The following IL1RAPL1 variants were observed in gnomAD, a reference collection of about 807,000 sequenced individuals.
IL1RAPL1 encodes interleukin 1 receptor accessory protein like 1.
In IL1RAPL1, 3 loss-of-function variants were observed where a neutral mutation model predicts 48.4. The observed-to-expected ratio is 0.06, with a 90% CI of 0.03 to 0.16. IL1RAPL1 has a LOEUF of 0.16. Among genes scored for constraint, IL1RAPL1 ranks in the 10% least tolerant of loss-of-function variants. The pLI, the probability that IL1RAPL1 is intolerant of heterozygous loss-of-function variation, is 1.00. For missense variants in IL1RAPL1, 349 were observed against 530.6 expected (o/e 0.66, Z 3.36); for synonymous variants, 185 against 187.7 (o/e 0.99, Z 0.12).
chrX:28,797,261 G>A (rs779474964), intron 2 of IL1RAPL1, among the ~76,000 whole-genome samples: 8 of 111,782 alleles, frequency 7.2e-5, no homozygotes, highest in Non-Finnish European at 1.1e-4. Context: ...CCACTGTCTC[G>A]GGGATTAACA....
chrX:29,754,989 C>T (rs772684415), intron 6 of IL1RAPL1, among the ~76,000 whole-genome samples: 113 of 112,246 alleles, frequency 1.0e-3, no homozygotes, highest in African/African-American at 3.4e-3. Flanking sequence ...AGGGCTCAAC[C>T]GGGGAAGGAT....
At chrX:28,683,035 T>C (rs1040223830) in intron 1 of IL1RAPL1, among the ~76,000 whole-genome samples, 2 of 112,166 alleles carry the variant, frequency 1.8e-5, no homozygotes, top group Non-Finnish European at 3.8e-5. Context: ...ATCTTGAAGC[T>C]GAGGATGGGC....
chrX:29,867,711 G>A (rs898590182), intron 6 of IL1RAPL1, among the ~76,000 whole-genome samples: 5 of 112,227 alleles, frequency 4.5e-5, no homozygotes, highest in Admixed American at 1.9e-4. Context: ...GCAATTCCTA[G>A]AATTCGAAGC....
intron 1 of IL1RAPL1, among the ~76,000 whole-genome samples, chrX:28,694,695 A>G (rs940872802): frequency 7.1e-5 from 8 of 112,245 alleles, no homozygotes; most frequent in Admixed American, 6.6e-4. Flanking sequence ...ATATTATAAG[A>G]GTTTTGAATT....
chrX:29,856,722 T>C (rs1309479761), intron 6 of IL1RAPL1, among the ~76,000 whole-genome samples: 1 of 112,016 alleles, frequency 8.9e-6, no homozygotes, highest in African/African-American at 3.2e-5. Flanking sequence ...CCTAAAGGGT[T>C]ATAAATTGTA....
chrX:29,252,216 GTAAC>G (rs1372353230), intron 2 of IL1RAPL1, among the ~76,000 whole-genome samples: 6 of 111,298 alleles, frequency 5.4e-5, no homozygotes, highest in African/African-American at 2.0e-4. Context: ...GTATACATAT[GTAAC>G]TAACCTGCAC....
At chrX:29,253,496 C>A (rs149403843) in intron 2 of IL1RAPL1, among the ~76,000 whole-genome samples, 151 of 111,006 alleles carry the variant, frequency 1.4e-3, no homozygotes, top group African/African-American at 4.9e-3. Flanking sequence ...TGATAATGGT[C>A]GTAACTAACA....
chrX:28,988,994 T>C (rs1367463234), intron 2 of IL1RAPL1, among the ~76,000 whole-genome samples: 1 of 112,034 alleles, frequency 8.9e-6, no homozygotes, highest in Admixed American at 9.5e-5. Context: ...ACTCTAGAAG[T>C]ATTTTTGTTA....
chrX:29,104,135 G>A (rs1928400605), intron 2 of IL1RAPL1, among the ~76,000 whole-genome samples: 1 of 111,991 alleles, frequency 8.9e-6, no homozygotes, highest in African/African-American at 3.2e-5. Context: ...ATACCCAAAA[G>A]AAAGGAAATC....
intron 2 of IL1RAPL1, among the ~76,000 whole-genome samples, chrX:29,147,748 A>G (rs1929379126): frequency 8.9e-6 from 1 of 112,145 alleles, no homozygotes; most frequent in African/African-American, 3.2e-5. Context: ...TATTTTTTCA[A>G]AGAAGCCAAT....
At position 29,301,655 on chromosome X, in the gene IL1RAPL1, C is replaced by T. The variant is rs551215139; in HGVS notation, c.362+18438C>T. On this transcript the variant is annotated intron_variant, in intron 3 of 10. Transcript: ENST00000378993. Reference sequence around the variant, plus strand: ...GATTTATCGAACATCTACTACACATCAGGCCTGGATTTTTTTCTGCACACA... The same window carrying T: ...GATTTATCGAACATCTACTACACATTAGGCCTGGATTTTTTTCTGCACACA... Among the ~76,000 whole-genome samples, 5 of 111,843 alleles carry T rather than the reference C, an allele frequency of 4.5e-5. No individual in the cohort carries two copies. In the South Asian group the frequency reaches 1.1e-3, roughly 25 times the overall value.
chrX:29,441,610 C>T lies in IL1RAPL1; in HGVS notation c.703+42302C>T, dbSNP rs1164094154. 2.7e-5 allele frequency among the ~76,000 whole-genome samples: 3 copies of T among 111,941 alleles called. No individual in the cohort carries two copies. In the East Asian group the frequency reaches 8.4e-4, roughly 31 times the overall value. On this transcript the variant is annotated intron_variant, in intron 5 of 10. Transcript: ENST00000378993. ...TTTCCTATACTGCACACTTCTTTTC[C>T]TGTTGCGGTGGATATTTTCTCAAAA...
At position 29,644,607 on chromosome X, in the gene IL1RAPL1, A is replaced by G. The variant is rs190686935; in HGVS notation, c.704-23823A>G. On this transcript the variant is annotated intron_variant, in intron 5 of 10. Coordinates refer to ENST00000378993, the MANE Select transcript of IL1RAPL1 (RefSeq NM_014271.4). ...TTTGAGACACGTGCTCACTCTGTCA[A>G]CCAGGCTGGAGTGCCGTGGCATGAT... 2.7e-3 allele frequency among the ~76,000 whole-genome samples: 302 copies of G among 110,312 alleles called. 1 individual carries two copies. Among genetic ancestry groups the G allele is most frequent in the Non-Finnish European group, 4.4e-3 (234 of 52,676 alleles).
chrX:28,990,750 T>C (rs1925584262), intron 2 of IL1RAPL1, among the ~76,000 whole-genome samples: 1 of 111,827 alleles, frequency 8.9e-6, no homozygotes, highest in African/African-American at 3.3e-5. Context: ...AATGCCAGAT[T>C]TGAGCATCCT....
intron 6 of IL1RAPL1, among the ~76,000 whole-genome samples, chrX:29,726,695 G>A (rs1243219194): frequency 8.9e-6 from 1 of 111,946 alleles, no homozygotes; most frequent in Non-Finnish European, 1.9e-5. Context: ...CATTGAGAGG[G>A]GAGGCAGTGG....
chrX:29,267,507 G>T (rs1014062602), intron 2 of IL1RAPL1, among the ~76,000 whole-genome samples: 1 of 111,595 alleles, frequency 9.0e-6, no homozygotes, highest in Non-Finnish European at 1.9e-5. Context: ...AGCACAGCCA[G>T]ACTTGGCATT....
At chrX:29,796,945 C>T (rs1021785712) in intron 6 of IL1RAPL1, among the ~76,000 whole-genome samples, 21 of 112,423 alleles carry the variant, frequency 1.9e-4, no homozygotes, top group African/African-American at 6.5e-4. Flanking sequence ...AAAACTCTGG[C>T]CTCTGAGAGT....
intron 6 of IL1RAPL1, among the ~76,000 whole-genome samples, chrX:29,751,111 C>CAT (rs35646660): frequency 0.33 from 36,248 of 108,884 alleles, 4,616 homozygotes; most frequent in Admixed American, 0.45. Flanking sequence ...CACATATATA[C>CAT]ATATATATAT....
chrX:28,937,923 A>G (rs1316275975), intron 2 of IL1RAPL1, among the ~76,000 whole-genome samples: 1 of 111,323 alleles, frequency 9.0e-6, no homozygotes, highest in Middle Eastern at 4.6e-3. Flanking sequence ...CACAGTTGCC[A>G]CAAAAATAAT....
Sources: allele counts gnomAD v4.1 joint callset (sites outside exome capture counted in the v4.1 genomes callset), GRCh38; gene constraint gnomAD v4.1.1; transcripts MANE v1.5; gene names NCBI Gene and HGNC (gene_info 2026-07-23, HGNC 2026-07-21).